The following MEGF9 variants were observed in gnomAD, a reference collection of about 807,000 sequenced individuals.
The protein encoded by MEGF9 is multiple epidermal growth factor-like domains protein 9.
In MEGF9, 6 loss-of-function variants were observed where a neutral mutation model predicts 46.8. The ratio of observed to expected loss-of-function variants is 0.13; its 90% CI spans 0.07 to 0.25. The LOEUF is 0.25. Ranked by LOEUF, MEGF9 falls within the 10% of genes least tolerant of loss-of-function variation. The pLI is 1.00. For synonymous variants in MEGF9, 302 were observed against 330.7 expected (o/e 0.91, Z 0.94); for missense variants, 683 against 792.4 (o/e 0.86, Z 1.66).
chr9:120,633,128 C>T (rs1391048806), intron 2 of MEGF9, among the ~76,000 whole-genome samples: 1 of 152,064 alleles, frequency 6.6e-6, no homozygotes, highest in Non-Finnish European at 1.5e-5. Flanking sequence ...GGAGAATTCC[C>T]TTCTCTTTGA....
At chr9:120,621,468 T>A (rs952165278) in intron 3 of MEGF9, among the ~76,000 whole-genome samples, 4 of 152,252 alleles carry the variant, frequency 2.6e-5, no homozygotes, top group African/African-American at 9.6e-5. Flanking sequence ...CAATGAGTTA[T>A]TAATTCACAT....
chr9:120,613,263 A>G (rs2043456911), intron 3 of MEGF9, among the ~76,000 whole-genome samples: 1 of 152,224 alleles, frequency 6.6e-6, no homozygotes, highest in Non-Finnish European at 1.5e-5. Context: ...TACAGAGTAC[A>G]CTAACCAGAT....
chr9:120,632,071 G>A (rs1290778015), intron 2 of MEGF9, among the ~76,000 whole-genome samples: 3 of 151,980 alleles, frequency 2.0e-5, no homozygotes, highest in Non-Finnish European at 4.4e-5. Flanking sequence ...GGGACTATAG[G>A]TGCATGCTAC....
intron 2 of MEGF9, among the ~76,000 whole-genome samples, chr9:120,638,915 C>T (rs373606618): frequency 6.6e-6 from 1 of 152,200 alleles, no homozygotes; most frequent in Non-Finnish European, 1.5e-5. Context: ...CTCCTGGGCT[C>T]GAGCAAGCCT....
rs551384426 is a variant in MEGF9 at position 120,698,902 on chromosome 9, C to T, written c.601+14856G>A. Among the ~76,000 whole-genome samples, 4 of 152,236 alleles carry T rather than the reference C, an allele frequency of 2.6e-5. No homozygotes were observed. In the South Asian group the frequency reaches 8.3e-4, roughly 32 times the overall value. ...TTAGGGTAGCACCTAGGCCTTTTGG[C>T]AACGTACAAGCCAGGCAGATGGGCA... is the stretch of plus-strand genomic sequence containing the variant. On this transcript the variant is annotated intron_variant, in intron 1 of 5. Coordinates refer to ENST00000373930, the MANE Select transcript of MEGF9 (RefSeq NM_001080497.3).
At chr9:120,675,621 G>C (rs1044660821) in intron 1 of MEGF9, among the ~76,000 whole-genome samples, 4 of 146,328 alleles carry the variant, frequency 2.7e-5, no homozygotes, top group African/African-American at 9.8e-5. Flanking sequence ...AGGCGCAGTG[G>C]CTCATGCCTG....
intron 2 of MEGF9, 136 bp from the exon 3 acceptor site, chr9:120,622,891 A>G: frequency 1.3e-6 from 1 of 795,702 alleles, no homozygotes; most frequent in South Asian, 2.3e-5. Context: ...TTGTGTCCAA[A>G]TAAATCACCT....
intron 2 of MEGF9, among the ~76,000 whole-genome samples, chr9:120,643,055 C>T (rs2043609593): frequency 6.6e-6 from 1 of 152,064 alleles, no homozygotes; most frequent in Non-Finnish European, 1.5e-5. Flanking sequence ...ATAATCATGG[C>T]TGAAGCATTT....
At position 120,601,594 on chromosome 9, in the gene MEGF9, C is replaced by T. The variant is rs2043396323; in HGVS notation, c.*3596G>A. The T allele has an allele frequency of 1.3e-5, 2 of 152,156 alleles. No individual in the cohort carries two copies. Among genetic ancestry groups the T allele is most frequent in the African/African-American group, 2.4e-5 (1 of 41,422 alleles). The allele number at this position is 152,156 out of a possible 1,614,324, so 9.4% of individuals were successfully genotyped here. ...TGTCTACAAATGTTGTCTAAAAAAC[C>T]TCTCTCCTCTCATCCCATGTTTCCT... On this transcript the variant is annotated 3_prime_UTR_variant, in exon 6 of 6. Transcript: ENST00000373930.
chr9:120,704,961 T>C (rs1008601630), intron 1 of MEGF9, among the ~76,000 whole-genome samples: 5 of 152,194 alleles, frequency 3.3e-5, no homozygotes, highest in Admixed American at 2.0e-4. Flanking sequence ...GGAAAATAAA[T>C]TTGCTACTTA....
chr9:120,652,288 C>T (rs1449482952), intron 2 of MEGF9, among the ~76,000 whole-genome samples: 6 of 148,870 alleles, frequency 4.0e-5, no homozygotes, highest in Non-Finnish European at 7.4e-5. Context: ...GAGTTGAAGA[C>T]CAACCTGGGC....
chr9:120,608,158 A>C (rs902971551), intron 4 of MEGF9, 148 bp from the exon 5 acceptor site: 2 of 829,466 alleles, frequency 2.4e-6, no homozygotes, highest in African/African-American at 3.4e-5. Flanking sequence ...GTTTGAGACC[A>C]GCCTGGGCAA....
chr9:120,663,732 G>T (rs2043713126), intron 1 of MEGF9, among the ~76,000 whole-genome samples: 1 of 152,168 alleles, frequency 6.6e-6, no homozygotes, highest in African/African-American at 2.4e-5. Context: ...TTGCCTAAAA[G>T]TAAATATGGA....
In MEGF9 at chr9:120,659,573, A is replaced by G; in HGVS notation, c.604T>C (p.Tyr202His). 1 of 1,605,270 alleles carries G rather than the reference A, an allele frequency of 6.2e-7. No homozygotes were observed. The highest frequency in any genetic ancestry group is 1.3e-5 in the African/African-American group (1 of 74,700). ...CCAACCACAGAGCAGTTACATACAT[A>G]CTCTGCAAAGGAAAGAAGGAAAGAG... ...TEAPSSPPPE[Y>H]VCNCSVVGSL... Residue 202 changes from tyrosine to histidine, a missense_variant and splice_region_variant, in exon 2 of 6, where the codon TAT becomes CAT. Around this residue, in one of 2 missense-constraint regions of MEGF9, gnomAD observed 370 missense variants for 371.3 expected, o/e 1.00. Coordinates refer to ENST00000373930, the MANE Select transcript of MEGF9 (RefSeq NM_001080497.3).
At position 120,601,666 on chromosome 9, in the gene MEGF9, A is replaced by T. The variant is rs1314926029; in HGVS notation, c.*3524T>A. The stretch of plus-strand genomic sequence containing the variant: ...TAGGTATCACTGGGAAGAGTAACGC[A>T]CTAGGCCCACAGGACCTTAGTATTA... On this transcript the variant is annotated 3_prime_UTR_variant, in exon 6 of 6. Transcript: ENST00000373930. 3.3e-5 allele frequency: 5 copies of T among 152,176 alleles called. No individual in the cohort carries two copies. Among genetic ancestry groups the T allele is most frequent in the African/African-American group, 1.2e-4 (5 of 41,450 alleles). The allele number at this position is 152,176 out of a possible 1,614,324, so 9.4% of individuals were successfully genotyped here.
intron 1 of MEGF9, among the ~76,000 whole-genome samples, chr9:120,669,116 A>C (rs2043737749): frequency 6.6e-6 from 1 of 152,210 alleles, no homozygotes; most frequent in Non-Finnish European, 1.5e-5. Flanking sequence ...GGTTTACAAA[A>C]ACTTTTTTTT....
Position 120,604,217 on chromosome 9 carries a change from A to G in MEGF9, c.*973T>C, listed in dbSNP as rs1480435536. 6.6e-6 allele frequency: 1 copy of G among 152,532 alleles called. No individual in the cohort carries two copies. Among genetic ancestry groups the G allele is most frequent in the Admixed American group, 6.5e-5 (1 of 15,294 alleles). The allele number at this position is 152,532 out of a possible 1,614,324, so 9.4% of individuals were successfully genotyped here. ...AGACTGAGAAAGGAAAGAAAGAAAC[A>G]TTCGACCTCTTATAAATTTCAGCAA... On this transcript the variant is annotated 3_prime_UTR_variant, in exon 6 of 6. Transcript: ENST00000373930.
rs188777868 is a variant in MEGF9, at chr9:120,636,798, C to T, written c.804-14043G>A. On this transcript the variant is annotated intron_variant, in intron 2 of 5. Coordinates refer to ENST00000373930, the MANE Select transcript of MEGF9 (RefSeq NM_001080497.3). ...GTGAGGAGCCCGTCCGCCCGGCAGCCGCCCCGTCTGGGAGGTGGGGGGGCG... is the reference window on the plus strand; with the variant it reads ...GTGAGGAGCCCGTCCGCCCGGCAGCTGCCCCGTCTGGGAGGTGGGGGGGCG... Among the ~76,000 whole-genome samples, 1,223 of 151,934 alleles carry T rather than the reference C, an allele frequency of 8.0e-3. 20 individuals are homozygous for T. Among genetic ancestry groups the T allele is most frequent in the African/African-American group, 0.028 (1,161 of 41,460 alleles).
At chr9:120,687,749 G>A (rs2043829777) in intron 1 of MEGF9, among the ~76,000 whole-genome samples, 1 of 144,358 alleles carries the variant, frequency 6.9e-6, no homozygotes, top group Admixed American at 7.0e-5. Flanking sequence ...CAGGATAGTG[G>A]TTACATCTGG....
Sources: gnomAD v4.1 joint callset for allele counts (sites outside exome capture counted in the v4.1 genomes callset) on GRCh38, gnomAD v4.1.1 for gene constraint, gnomAD v4.1.1 regional missense constraint, MANE v1.5 for transcripts, NCBI Gene and HGNC (gene_info 2026-07-23, HGNC 2026-07-21) for gene names.